HCRTR2: variants seen among roughly 807,000 people sequenced by gnomAD.
HCRTR2 encodes the protein orexin receptor type 2.
A neutral mutation model predicts 49.0 loss-of-function variants in HCRTR2; 22 were observed. The ratio of observed to expected loss-of-function variants is 0.45; its 90% CI spans 0.32 to 0.64. The LOEUF is 0.64. Ranked by LOEUF, HCRTR2 falls within the 30% of genes least tolerant of loss-of-function variation. The pLI, the probability that HCRTR2 is intolerant of heterozygous loss-of-function variation, is 0.04. For synonymous variants in HCRTR2, 236 were observed against 205.3 expected, an observed-to-expected ratio of 1.15 and a Z score of -1.28; for missense variants, 491 against 559.4, an observed-to-expected ratio of 0.88 and a Z score of 1.23.
chr6:55,158,834 C>T (rs925418457), intron 1 of HCRTR2, among the ~76,000 whole-genome samples: 1 of 152,240 alleles, frequency 6.6e-6, no homozygotes, highest in African/African-American at 2.4e-5. Context: ...ACTCCCATCT[C>T]CCTGGGACAG....
At chr6:55,245,915 C>T (rs1766433931) in intron 1 of HCRTR2, among the ~76,000 whole-genome samples, 1 of 151,860 alleles carries the variant, frequency 6.6e-6, no homozygotes. Flanking sequence ...GAAATGGGGT[C>T]ATTGCAGATG....
intron 1 of HCRTR2, among the ~76,000 whole-genome samples, chr6:55,191,865 A>G (rs1018608452): frequency 1.4e-4 from 22 of 152,190 alleles, no homozygotes; most frequent in Non-Finnish European, 2.6e-4. Context: ...CCATTTGCAG[A>G]CATATGGTTA....
chr6:55,212,739 A>T (rs540798228), intron 1 of HCRTR2, among the ~76,000 whole-genome samples: 2 of 152,322 alleles, frequency 1.3e-5, no homozygotes, highest in Admixed American at 6.5e-5. Flanking sequence ...GACATAATTT[A>T]TCTGGATTCT....
intron 1 of HCRTR2, among the ~76,000 whole-genome samples, chr6:55,164,617 C>T (rs948367763): frequency 9.2e-5 from 14 of 151,990 alleles, no homozygotes; most frequent in African/African-American, 3.4e-4. Context: ...CACACCAGGG[C>T]CTGTCAGGCA....
intron 3 of HCRTR2, among the ~76,000 whole-genome samples, chr6:55,258,932 T>C (rs1471310178): frequency 6.6e-6 from 1 of 152,030 alleles, no homozygotes; most frequent in African/African-American, 2.4e-5. Flanking sequence ...GCGCCTGTAA[T>C]TCCAGCTACT....
intron 1 of HCRTR2, among the ~76,000 whole-genome samples, chr6:55,176,718 G>A (rs1258536332): frequency 6.6e-6 from 1 of 152,060 alleles, no homozygotes; most frequent in Non-Finnish European, 1.5e-5. Context: ...ATTCTCCATT[G>A]TTATTCCACT....
At chr6:55,242,316 T>A (rs906242730) in intron 1 of HCRTR2, among the ~76,000 whole-genome samples, 1 of 152,150 alleles carries the variant, frequency 6.6e-6, no homozygotes, top group Non-Finnish European at 1.5e-5. Context: ...ACATTTAAAA[T>A]TTTTTAAAAC....
chr6:55,111,773 A>T (rs1057134131), intron 1 of HCRTR2, among the ~76,000 whole-genome samples: 1 of 151,792 alleles, frequency 6.6e-6, no homozygotes, highest in Admixed American at 6.6e-5. Flanking sequence ...GATAGAGGAA[A>T]TCCTCCCTAA....
intron 1 of HCRTR2, among the ~76,000 whole-genome samples, chr6:55,117,121 C>G (rs1454801318): frequency 6.6e-6 from 1 of 151,708 alleles, no homozygotes; most frequent in Non-Finnish European, 1.5e-5. Flanking sequence ...GGACACCATT[C>G]AAATAGTGTC....
At chr6:55,163,012 G>A (rs562505787) in intron 1 of HCRTR2, among the ~76,000 whole-genome samples, 39 of 152,244 alleles carry the variant, frequency 2.6e-4, no homozygotes, top group African/African-American at 8.9e-4. Context: ...ACTTTGGGAG[G>A]CCAAGGCAGG....
rs79150734 is a variant in HCRTR2, at chr6:55,262,271, A to T, written c.647-1436A>T. Among the ~76,000 whole-genome samples, 382 of 147,894 alleles carry T rather than the reference A, an allele frequency of 2.6e-3. 9 individuals carry two copies. The East Asian group carries it at 0.044, about 17-fold the overall frequency. ...CCAAAACCTATCGGAATAAAAAATTAAAAAAATACATACATACAAAAATTC... is the reference window on the plus strand; with the variant it reads ...CCAAAACCTATCGGAATAAAAAATTTAAAAAATACATACATACAAAAATTC... On this transcript the variant is annotated intron_variant, in intron 3 of 6. Transcript: ENST00000370862.
chr6:55,266,613 T>C (rs1296324741), intron 4 of HCRTR2, among the ~76,000 whole-genome samples: 2 of 151,342 alleles, frequency 1.3e-5, no homozygotes, highest in Non-Finnish European at 2.9e-5. Context: ...TACTAGTTAG[T>C]GTGCATTGTA....
chr6:55,219,235 C>T (rs1581836877), intron 1 of HCRTR2, among the ~76,000 whole-genome samples: 1 of 152,140 alleles, frequency 6.6e-6, no homozygotes, highest in African/African-American at 2.4e-5. Context: ...TCTAACAGCA[C>T]CAGAATATGC....
At chr6:55,218,130 A>G (rs142437772) in intron 1 of HCRTR2, among the ~76,000 whole-genome samples, 62 of 152,320 alleles carry the variant, frequency 4.1e-4, no homozygotes, top group African/African-American at 1.5e-3. Flanking sequence ...CGACTATCCT[A>G]TTCCTGTGAT....
chr6:55,282,142 GAGCAA>G lies in HCRTR2; in HGVS notation c.1106-82_1106-78del. On this transcript the variant is annotated intron_variant, in intron 6 of 6. Transcript: ENST00000370862. ...ACCTCATTGTTAGTTTGGCTCAAGG[GAGCAA>G]CTCAGTTGTACCCTATTCATAATTT... The G allele has an allele frequency of 3.1e-6, 3 of 975,292 alleles. No homozygotes were observed. In the South Asian group the frequency reaches 4.1e-5, roughly 13 times the overall value. The allele number at this position is 975,292 out of a possible 1,614,324, so 60.4% of individuals were successfully genotyped here.
At chr6:55,254,123 G>T (rs1581859127) in intron 2 of HCRTR2, among the ~76,000 whole-genome samples, 1 of 152,076 alleles carries the variant, frequency 6.6e-6, no homozygotes, top group East Asian at 1.9e-4. Flanking sequence ...AACAGAAGCA[G>T]TCCCTCCTAC....
chr6:55,128,195 T>C (rs1764307656), intron 1 of HCRTR2, among the ~76,000 whole-genome samples: 2 of 152,212 alleles, frequency 1.3e-5, no homozygotes, highest in Admixed American at 6.5e-5. Context: ...TCCCCATTGC[T>C]TGCTTTTGTC....
intron 1 of HCRTR2, among the ~76,000 whole-genome samples, chr6:55,127,141 G>A (rs964878002): frequency 1.3e-5 from 2 of 152,150 alleles, no homozygotes; most frequent in Non-Finnish European, 2.9e-5. Flanking sequence ...TCTGCAGCTA[G>A]TTCAGTGTCT....
rs535107022 is a variant in HCRTR2, at chr6:55,225,349, C to CT, written c.224-23281dup. Among the ~76,000 whole-genome samples the CT allele has an allele frequency of 7.6e-3, 1,151 of 151,026 alleles. 11 individuals carry two copies. The highest frequency in any genetic ancestry group is 0.02 in the African/African-American group (816 of 41,192). ...TCCCTAGTTATTATTTTAGCCCTGTCTTTTTTTTTAATAAAACATATTCTG... is the reference window on the plus strand; with the variant it reads ...TCCCTAGTTATTATTTTAGCCCTGTCTTTTTTTTTTAATAAAACATATTCTG... On this transcript the variant is annotated intron_variant, in intron 1 of 6. Transcript: ENST00000370862.
Sources: gnomAD v4.1 joint callset for allele counts (sites outside exome capture counted in the v4.1 genomes callset) on GRCh38, gnomAD v4.1.1 for gene constraint, MANE v1.5 for transcripts, NCBI Gene and HGNC (gene_info 2026-07-23, HGNC 2026-07-21) for gene names.